Variants in ACOT4 observed in about 807,000 individuals in gnomAD.
ACOT4 encodes the protein peroxisomal succinyl-coenzyme A thioesterase.
A neutral mutation model predicts 17.1 loss-of-function variants in ACOT4; 18 were observed. That is an observed-to-expected ratio of 1.05 (90% confidence interval 0.73 to 1.56). The LOEUF (loss-of-function observed/expected upper bound fraction) is 1.56, where lower values mean the gene tolerates loss of function less well. ACOT4 is among the 40% of genes most tolerant of loss of function. ACOT4 has a pLI of 0.00. For missense variants in ACOT4, 574 were observed against 557.2 expected (o/e 1.03, Z -0.30); for synonymous variants, 234 against 236.6 (o/e 0.99, Z 0.10).
At position 73,592,167 on chromosome 14, in the gene ACOT4, G is replaced by T. The variant is rs1890163485; in HGVS notation, c.208G>T (p.Gly70Cys). Residue 70 changes from glycine (G) to cysteine (C), a missense_variant, in exon 1 of 3, where the codon GGC becomes TGC. Gly to Cys is a radical substitution (Grantham distance 159). Transcript: ENST00000326303. ...CCTGGAGCGCGCACCCGCGCTGGGC[G>T]GCAGCTTCGCGGGACTCGAGCCCAT... ...LDLERAPALG[G>C]SFAGLEPMGL... The T allele has an allele frequency of 6.2e-7, 1 of 1,603,078 alleles. No homozygotes were observed.
chr14:73,593,674 C>T, intron 1 of ACOT4, 28 bp from the exon 2 acceptor site: 5 of 1,569,840 alleles, frequency 3.2e-6, no homozygotes, highest in Non-Finnish European at 4.3e-6. Context: ...TGTATAATGG[C>T]TTACATTTAT....
In ACOT4 at chr14:73,592,140, G is replaced by C. The variant is rs1320345232; in HGVS notation, c.181G>C (p.Asp61His). 5.0e-6 allele frequency: 8 copies of C among 1,589,780 alleles called. No homozygotes were observed. The highest frequency in any genetic ancestry group is 1.1e-5 in the South Asian group (1 of 87,952). The change falls in exon 1 of 3, where the codon GAC becomes CAC. Residue 61 changes from aspartate (D) to histidine (H), a missense_variant. By Grantham distance (81) the Asp-to-His change is moderately conservative. Transcript: ENST00000326303. ...CTGCGCCGACGCCCGCGGCGAGCTG[G>C]ACCTGGAGCGCGCACCCGCGCTGGG... The part of the protein sequence containing the change: ...RYCADARGEL[D>H]LERAPALGGS...
rs1595178253 is a variant in ACOT4, at chr14:73,592,141, A to G, written c.182A>G (p.Asp61Gly). 1.3e-6 allele frequency: 2 copies of G among 1,590,154 alleles called. No homozygotes were observed. Among genetic ancestry groups the G allele is most frequent in the Admixed American group, 1.7e-5 (1 of 57,216 alleles). The stretch of plus-strand genomic sequence containing the variant: ...TGCGCCGACGCCCGCGGCGAGCTGG[A>G]CCTGGAGCGCGCACCCGCGCTGGGC... ...RYCADARGEL[D>G]LERAPALGGS... Residue 61 changes from aspartate (D) to glycine (G), a missense_variant, in exon 1 of 3, where the codon GAC becomes GGC. By Grantham distance (94) the Asp-to-Gly change is moderately conservative (BLOSUM62 -1). Transcript: ENST00000326303.
rs567529765 is a variant in ACOT4 at position 73,592,373 on chromosome 14, G to A, written c.414G>A (p.Ser138=). ...HFLPPGVRRQ[S]VRAGRVRATL... is the part of the protein sequence containing the mutation. ...TCCCGCCAGGGGTGCGGCGCCAGTC[G>A]GTGCGAGCGGGCCGGGTGCGCGCCA... Residue 138 remains serine (S), a synonymous_variant, in exon 1 of 3, where the codon TCG becomes TCA. Coordinates refer to ENST00000326303, the MANE Select transcript of ACOT4 (RefSeq NM_152331.4). 1.9e-6 allele frequency: 3 copies of A among 1,569,194 alleles called. No homozygotes were observed. Among genetic ancestry groups the A allele is most frequent in the South Asian group, 2.3e-5 (2 of 86,126 alleles).
In ACOT4 at chr14:73,592,377, C is replaced by A. The variant is rs773759994; in HGVS notation, c.418C>A (p.Arg140=). Residue 140 remains arginine, a synonymous_variant, in exon 1 of 3, where the codon CGA becomes AGA. Coordinates refer to ENST00000326303, the MANE Select transcript of ACOT4 (RefSeq NM_152331.4). The part of the protein sequence containing the change: ...LPPGVRRQSV[R]AGRVRATLFL... ...GCCAGGGGTGCGGCGCCAGTCGGTG[C>A]GAGCGGGCCGGGTGCGCGCCACGCT... 4 of 1,564,798 alleles carry A rather than the reference C, an allele frequency of 2.6e-6. No homozygotes were observed. The South Asian group carries it at 4.7e-5, about 18-fold the overall frequency.
At chr14:73,593,607 T>G in intron 1 of ACOT4, 95 bp from the exon 2 acceptor site, 21 of 1,231,102 alleles carry the variant, frequency 1.7e-5, no homozygotes, top group Non-Finnish European at 2.4e-5. Flanking sequence ...CCTCCTAAAG[T>G]GCTGAGATTA....
At chr14:73,594,508 T>G (rs1890213160) in intron 2 of ACOT4, among the ~76,000 whole-genome samples, 1 of 152,052 alleles carries the variant, frequency 6.6e-6, no homozygotes, top group Non-Finnish European at 1.5e-5. Context: ...GTTTCCAAGT[T>G]TTTCAGTGAT....
In ACOT4 at chr14:73,595,499, C is replaced by G; in HGVS notation, c.1111C>G (p.Pro371Ala). ...CGAGCCTCCTTACTTCCCCCTGTGC[C>G]CAGCTTCCCTTCACAGATTACTGAA... is the stretch of plus-strand genomic sequence containing the variant. ...YIEPPYFPLCPASLHRLLNKH... is the reference protein window; with the variant it reads ...YIEPPYFPLCAASLHRLLNKH... Residue 371 changes from proline (P) to alanine (A), a missense_variant, in exon 3 of 3, where the codon CCA becomes GCA. Pro to Ala is a conservative substitution (Grantham distance 27). Coordinates refer to ENST00000326303, the MANE Select transcript of ACOT4 (RefSeq NM_152331.4). 1 of 1,613,844 alleles carries G rather than the reference C, an allele frequency of 6.2e-7. No individual in the cohort carries two copies. The highest frequency in any genetic ancestry group is 8.5e-7 in the Non-Finnish European group (1 of 1,179,760).
rs1207273263 is a variant in ACOT4 at position 73,593,765 on chromosome 14, G to T, written c.521G>T (p.Arg174Leu). Residue 174 changes from arginine to leucine, a missense_variant, in exon 2 of 3, where the codon CGA (arginine) becomes CTA (leucine). Physicochemically the swap from Arg to Leu is moderately radical, Grantham distance 102. Transcript: ENST00000326303. ...FGIGGGLLEY[R>L]ASLLAGHGFA... ...ATTGGAGGGGGCCTCTTGGAATATC[G>T]AGCCAGCCTCCTTGCTGGCCATGGC... 6.2e-7 allele frequency: 1 copy of T among 1,613,588 alleles called. No individual in the cohort carries two copies. The highest frequency in any genetic ancestry group is 8.5e-7 in the Non-Finnish European group (1 of 1,179,812).
At position 73,595,359 on chromosome 14, in the gene ACOT4, A is replaced by G. The variant is rs767794876; in HGVS notation, c.971A>G (p.Gln324Arg). The change falls in exon 3 of 3, where the codon CAG becomes CGG. Residue 324 changes from glutamine (Q) to arginine (R), a missense_variant. Transcript: ENST00000326303. ...GGGCCCATCCTGCTCATTGTTGGTC[A>G]GGATGACCATAACTGGAGAAGTGAG... is the stretch of plus-strand genomic sequence containing the variant. Reference protein sequence around the residue: ...AQGPILLIVGQDDHNWRSELY... With the variant: ...AQGPILLIVGRDDHNWRSELY... The G allele has an allele frequency of 6.2e-7, 1 of 1,614,150 alleles. No individual in the cohort carries two copies. Among genetic ancestry groups the G allele is most frequent in the Non-Finnish European group, 8.5e-7 (1 of 1,180,054 alleles).
Position 73,595,442 on chromosome 14 carries a change from A to G in ACOT4, c.1054A>G (p.Ile352Val). Reference protein sequence around the residue: ...LQAHGKEKPQIICYPGTGHYI... With the variant: ...LQAHGKEKPQVICYPGTGHYI... ...GGCCCATGGAAAGGAAAAACCCCAG[A>G]TCATCTGTTACCCTGGGACTGGGCA... The change falls in exon 3 of 3, where the codon ATC (isoleucine) becomes GTC (valine). Residue 352 changes from isoleucine (I) to valine (V), a missense_variant. Transcript: ENST00000326303. The G allele has an allele frequency of 6.2e-7, 1 of 1,614,168 alleles. No individual in the cohort carries two copies. Among genetic ancestry groups the G allele is most frequent in the Non-Finnish European group, 8.5e-7 (1 of 1,180,034 alleles).
At position 73,595,192 on chromosome 14, in the gene ACOT4, G is replaced by A. The variant is rs1298831419; in HGVS notation, c.804G>A (p.Lys268=). 1.2e-6 allele frequency: 2 copies of A among 1,614,098 alleles called. No individual in the cohort carries two copies. Among genetic ancestry groups the A allele is most frequent in the African/African-American group, 2.7e-5 (2 of 74,928 alleles). ...GISGNTAINY[K]HSSIPPLGYD... The stretch of plus-strand genomic sequence containing the variant: ...GTGGGAACACAGCCATCAACTATAA[G>A]CACAGTAGCATTCCACCATTGGGCT... The change falls in exon 3 of 3, where the codon AAG becomes AAA. Residue 268 remains lysine, a synonymous_variant. Coordinates refer to ENST00000326303, the MANE Select transcript of ACOT4 (RefSeq NM_152331.4).
In ACOT4 at chr14:73,592,031, C is replaced by A. The variant is rs538858496; in HGVS notation, c.72C>A (p.Arg24=). The A allele has an allele frequency of 6.9e-6, 10 of 1,447,966 alleles. No individual in the cohort carries two copies. The South Asian group carries it at 1.3e-4, about 18-fold the overall frequency. The allele number at this position is 1,447,966 out of a possible 1,614,324, so 89.7% of individuals were successfully genotyped here. Residue 24 remains arginine (R), a synonymous_variant, in exon 1 of 3, where the codon CGC becomes CGA. Transcript: ENST00000326303. Reference sequence around the variant, plus strand: ...ACGAGCCGGTGCGCATTGCCGTGCGCGGCCTGGCCCCGGAGCAGCGGGTTA... The same window carrying A: ...ACGAGCCGGTGCGCATTGCCGTGCGAGGCCTGGCCCCGGAGCAGCGGGTTA... The part of the protein sequence containing the change: ...CWNEPVRIAV[R]GLAPEQRVTL...
rs775608619 is a variant in ACOT4, at chr14:73,592,286, G to A, written c.327G>A (p.Leu109=). 1.9e-6 allele frequency: 3 copies of A among 1,612,028 alleles called. No individual in the cohort carries two copies. The highest frequency in any genetic ancestry group is 1.7e-6 in the Non-Finnish European group (2 of 1,179,174). Residue 109 remains leucine (L), a synonymous_variant, in exon 1 of 3, where the codon CTG becomes CTA. Transcript: ENST00000326303. ...CTTTTGTCGTGGAGTTGGAGGTGCT[G>A]GACGGCCACGACCCCGAGCCTGGAC... ...QIPFVVELEV[L]DGHDPEPGRL... is the part of the protein sequence containing the mutation.
At position 73,595,525 on chromosome 14, in the gene ACOT4, C is replaced by T. The variant is rs773823624; in HGVS notation, c.1137C>T (p.Asn379=). ...CAGCTTCCCTTCACAGATTACTGAA[C>T]AAACATGTTATATGGGGTGGGGAGC... ...LCPASLHRLL[N]KHVIWGGEPR... Residue 379 remains asparagine (N), a synonymous_variant, in exon 3 of 3, where the codon AAC becomes AAT. Coordinates refer to ENST00000326303, the MANE Select transcript of ACOT4 (RefSeq NM_152331.4). 1.2e-6 allele frequency: 2 copies of T among 1,612,932 alleles called. No individual in the cohort carries two copies. The highest frequency in any genetic ancestry group is 1.7e-6 in the Non-Finnish European group (2 of 1,179,012).
rs374721525 is a variant in ACOT4 at position 73,593,833 on chromosome 14, C to G, written c.589C>G (p.Pro197Ala). 1 of 1,614,072 alleles carries G rather than the reference C, an allele frequency of 6.2e-7. No homozygotes were observed. The highest frequency in any genetic ancestry group is 8.5e-7 in the Non-Finnish European group (1 of 1,179,972). ...AGCTTATTATAACTTTGAAGATCTC[C>G]CCAATAACATGGACAACATATCCCT... ...ALAYYNFEDL[P>A]NNMDNISLEY... The change falls in exon 2 of 3, where the codon CCC becomes GCC. Residue 197 changes from proline to alanine, a missense_variant. Transcript: ENST00000326303.
At position 73,592,411 on chromosome 14, in the gene ACOT4, C is replaced by G. The variant is rs532468724; in HGVS notation, c.452C>G (p.Pro151Arg). The G allele has an allele frequency of 1.9e-5, 29 of 1,523,438 alleles. No homozygotes were observed. In the African/African-American group the frequency reaches 3.5e-4, roughly 18 times the overall value. 94.4% of individuals were successfully genotyped at this position (1,523,438 alleles called of 1,614,324 possible). A position where few individuals can be genotyped will look rare whatever the true frequency, so the allele number is the denominator to read the frequency against. ...CGGGTGCGCGCCACGCTCTTCCTGC[C>G]GCCAGGTGAGCCAGGCTGCTGGCGG... ...AGRVRATLFL[P>R]PGPGPFPGII... is the part of the protein sequence containing the mutation. Residue 151 changes from proline to arginine, a missense_variant, in exon 1 of 3, where the codon CCG (proline) becomes CGG (arginine). Coordinates refer to ENST00000326303, the MANE Select transcript of ACOT4 (RefSeq NM_152331.4).
At chr14:73,593,636 T>G in intron 1 of ACOT4, 66 bp from the exon 2 acceptor site, 15 of 1,460,004 alleles carry the variant, frequency 1.0e-5, no homozygotes, top group Non-Finnish European at 1.4e-5. Context: ...AACCACAGTG[T>G]CCAGCCAGGA....
chr14:73,592,553 C>T (rs1890172980), intron 1 of ACOT4, 137 bp downstream of exon 1: 1 of 1,113,500 alleles, frequency 9.0e-7, no homozygotes, highest in Non-Finnish European at 1.2e-6. Context: ...GGCCACTCTA[C>T]CAAAATAGAG....
Sources: gnomAD v4.1 joint callset for allele counts (sites outside exome capture counted in the v4.1 genomes callset) on GRCh38, gnomAD v4.1.1 for gene constraint, MANE v1.5 for transcripts, NCBI Gene and HGNC (gene_info 2026-07-23, HGNC 2026-07-21) for gene names.